The following NPAS3 variants were observed in gnomAD, a reference collection of about 807,000 sequenced individuals.
NPAS3 encodes the protein neuronal PAS domain protein 3, also known as neuronal PAS domain-containing protein 3.
NPAS3 carries 14 observed loss-of-function variants against 73.1 expected under a neutral mutation model. The observed-to-expected ratio is 0.19, with a 90% CI of 0.13 to 0.30. The LOEUF (loss-of-function observed/expected upper bound fraction) is 0.30. NPAS3 is among the 10% of genes least tolerant of loss of function. The pLI, the probability that NPAS3 is intolerant of heterozygous loss-of-function variation, is 1.00. For synonymous variants in NPAS3, 620 were observed against 541.5 expected, an observed-to-expected ratio of 1.14 and a Z score of -2.01; for missense variants, 1,096 against 1,250.0, an observed-to-expected ratio of 0.88 and a Z score of 1.86.
At chr14:33,732,253 T>C (rs1007224681) in intron 6 of NPAS3, among the ~76,000 whole-genome samples, 2 of 152,098 alleles carry the variant, frequency 1.3e-5, no homozygotes, top group Non-Finnish European at 2.9e-5. Context: ...ACACACTTTC[T>C]CTTCAGTGCC....
chr14:32,936,591 T>C (rs1316154167), upstream of NPAS3, among the ~76,000 whole-genome samples: 1 of 152,278 alleles, frequency 6.6e-6, no homozygotes, highest in African/African-American at 2.4e-5. Context: ...CACAATAGTA[T>C]GGTCTGTGAA....
At chr14:33,559,746 C>T (rs896322148) in intron 4 of NPAS3, among the ~76,000 whole-genome samples, 24 of 152,172 alleles carry the variant, frequency 1.6e-4, no homozygotes, top group African/African-American at 4.3e-4. Context: ...TGGCCGGGCG[C>T]GGTGGCTTAC....
intron 2 of NPAS3, among the ~76,000 whole-genome samples, chr14:33,142,765 C>T (rs1276682082): frequency 6.6e-6 from 1 of 152,132 alleles, no homozygotes; most frequent in South Asian, 2.1e-4. Context: ...TTTGTTCATG[C>T]ATTCCTTTTT....
chr14:33,208,778 A>C (rs1289934507), intron 2 of NPAS3, among the ~76,000 whole-genome samples: 1 of 152,210 alleles, frequency 6.6e-6, no homozygotes, highest in Non-Finnish European at 1.5e-5. Context: ...TGTGGAACAA[A>C]TGAAATTTTG....
chr14:33,603,942 A>T (rs539859060), intron 5 of NPAS3, among the ~76,000 whole-genome samples: 57 of 152,224 alleles, frequency 3.7e-4, no homozygotes, highest in Admixed American at 1.2e-3. Context: ...CTTTTATGAG[A>T]ACCGGTATGC....
At chr14:32,980,027 A>G (rs901404968) in intron 1 of NPAS3, among the ~76,000 whole-genome samples, 7 of 152,344 alleles carry the variant, frequency 4.6e-5, no homozygotes, top group Non-Finnish European at 8.8e-5. Flanking sequence ...TAGACTTCCT[A>G]TGAGTGTTAA....
chr14:32,991,478 G>A (rs1382661971), intron 1 of NPAS3, among the ~76,000 whole-genome samples: 1 of 152,110 alleles, frequency 6.6e-6, no homozygotes, highest in East Asian at 1.9e-4. Context: ...CAAGGTAGTG[G>A]TCTCCTGGAT....
intron 1 of NPAS3, among the ~76,000 whole-genome samples, chr14:33,049,817 C>T (rs1025749843): frequency 6.6e-6 from 1 of 152,182 alleles, no homozygotes; most frequent in African/African-American, 2.4e-5. Flanking sequence ...TGCTGGGACC[C>T]TCAGACATCA....
At chr14:33,140,892 A>G (rs372593891) in intron 2 of NPAS3, among the ~76,000 whole-genome samples, 1 of 152,186 alleles carries the variant, frequency 6.6e-6, no homozygotes, top group South Asian at 2.1e-4. Context: ...ACTATGGCCA[A>G]ACATAATGGG....
At chr14:33,521,515 A>T (rs1229847786) in intron 4 of NPAS3, among the ~76,000 whole-genome samples, 2 of 88,006 alleles carry the variant, frequency 2.3e-5, no homozygotes, top group African/African-American at 1.0e-4. Context: ...ATCTGCTTTA[A>T]AAAAAAAAAA....
At chr14:33,176,605 TTATC>T (rs1335294573) in intron 2 of NPAS3, among the ~76,000 whole-genome samples, 42 of 152,354 alleles carry the variant, frequency 2.8e-4, no homozygotes, top group Middle Eastern at 3.4e-3. Context: ...CCACATTTGT[TTATC>T]TATTTATCTG....
intron 2 of NPAS3, among the ~76,000 whole-genome samples, chr14:33,120,847 T>C (rs2043208041): frequency 6.6e-6 from 1 of 152,118 alleles, no homozygotes; most frequent in South Asian, 2.1e-4. Context: ...GTTTATCAGC[T>C]ATTTTAGGAC....
At chr14:33,516,103 A>G (rs987274477) in intron 4 of NPAS3, among the ~76,000 whole-genome samples, 1 of 151,772 alleles carries the variant, frequency 6.6e-6, no homozygotes, top group Non-Finnish European at 1.5e-5. Flanking sequence ...TATAAAGCCC[A>G]TTTTACAGAT....
At chr14:33,570,836 C>A (rs886963327) in intron 5 of NPAS3, among the ~76,000 whole-genome samples, 1 of 152,110 alleles carries the variant, frequency 6.6e-6, no homozygotes, top group African/African-American at 2.4e-5. Flanking sequence ...CAGATAGTGC[C>A]TTTTAAAATA....
At chr14:33,703,351 A>G (rs2060573064) in intron 6 of NPAS3, among the ~76,000 whole-genome samples, 1 of 152,068 alleles carries the variant, frequency 6.6e-6, no homozygotes. Context: ...AACATTTTTC[A>G]GGCTTAGTGG....
At chr14:33,578,510 G>A (rs1474367504) in intron 5 of NPAS3, among the ~76,000 whole-genome samples, 1 of 152,082 alleles carries the variant, frequency 6.6e-6, no homozygotes, top group Non-Finnish European at 1.5e-5. Context: ...CCCGTCTTTT[G>A]CACACTCAGG....
chr14:32,968,621 C>A (rs2037285892), intron 1 of NPAS3, among the ~76,000 whole-genome samples: 2 of 152,064 alleles, frequency 1.3e-5, no homozygotes, highest in Admixed American at 6.5e-5. Flanking sequence ...TATTACTTTG[C>A]ATAACTAATA....
intron 4 of NPAS3, among the ~76,000 whole-genome samples, chr14:33,557,693 G>A (rs1049620707): frequency 6.6e-6 from 1 of 152,198 alleles, no homozygotes; most frequent in Non-Finnish European, 1.5e-5. Context: ...ATAACAGCTG[G>A]GCGCAGTGGC....
chr14:33,030,113 C>T lies in NPAS3; in HGVS notation c.51-25792C>T, dbSNP rs1310302850. ...GCTGTTGAGGAAAGTAAAAAGTAAA[C>T]CTGAACATTTGGATTTCAACCATTG... On this transcript the variant is annotated intron_variant, in intron 1 of 11. Transcript: ENST00000356141. 1.1e-4 allele frequency among the ~76,000 whole-genome samples: 16 copies of T among 152,170 alleles called. No homozygotes were observed. The East Asian group carries it at 3.1e-3, about 29-fold the overall frequency.
Sources: gnomAD v4.1 joint callset for allele counts (sites outside exome capture counted in the v4.1 genomes callset) on GRCh38, gnomAD v4.1.1 for gene constraint, MANE v1.5 for transcripts, NCBI Gene and HGNC (gene_info 2026-07-23, HGNC 2026-07-21) for gene names.